The following VWA5B1 variants were observed in gnomAD, a reference collection of about 807,000 sequenced individuals.
VWA5B1 encodes von Willebrand factor A domain-containing protein 5B1.
VWA5B1 carries 115 observed loss-of-function variants against 118.2 expected under a neutral mutation model. The ratio of observed to expected loss-of-function variants is 0.97; its 90% CI spans 0.84 to 1.14. VWA5B1 has a LOEUF of 1.14. VWA5B1 is among the 50% of genes most tolerant of loss of function. The pLI, the probability that VWA5B1 is intolerant of heterozygous loss-of-function variation, is 0.00. For missense variants in VWA5B1, 1,596 were observed against 1,603.8 expected, an observed-to-expected ratio of 1.00 and a Z score of 0.08; for synonymous variants, 682 against 658.4, an observed-to-expected ratio of 1.04 and a Z score of -0.55.
intron 1 of VWA5B1, 42 bp from the exon 2 acceptor site, chr1:20,310,534 G>A (rs1248121283): frequency 6.2e-6 from 9 of 1,447,074 alleles, no homozygotes; most frequent in Non-Finnish European, 8.2e-6. Context: ...AGGGGACCTG[G>A]GGGAGCCTCT....
chr1:20,342,129 C>CAAAA lies in VWA5B1; in HGVS notation c.2134-291_2134-288dup, dbSNP rs60635945. ...ACACAAAACAGTTTAAACTTTATGG[C>CAAAA]AAAAAAAAAAAAAAAGTGGGTTTGG... On this transcript the variant is annotated intron_variant, in intron 14 of 21. Transcript: ENST00000289815. 1.4e-3 allele frequency among the ~76,000 whole-genome samples: 193 copies of CAAAA among 139,172 alleles called. 1 individual carries two copies. The highest frequency in any genetic ancestry group is 3.9e-3 in the South Asian group (17 of 4,386). The allele number at this position is 139,172 out of a possible 152,430, so 91.3% of individuals were successfully genotyped here.
intron 7 of VWA5B1, among the ~76,000 whole-genome samples, chr1:20,321,023 T>C (rs1285779785): frequency 1.4e-5 from 2 of 146,478 alleles, no homozygotes; most frequent in African/African-American, 5.1e-5. Flanking sequence ...TGGGACAAGC[T>C]GTCAGAAACC....
At chr1:20,324,577 A>G (rs1307273928) in intron 8 of VWA5B1, among the ~76,000 whole-genome samples, 2 of 152,204 alleles carry the variant, frequency 1.3e-5, no homozygotes, top group Admixed American at 6.5e-5. Context: ...TGATCCGGGT[A>G]AAGGATAACT....
rs1314929563 is a variant in VWA5B1 at position 20,337,677 on chromosome 1, C to T, written c.1974C>T (p.Tyr658=). Reference sequence around the variant, plus strand: ...ACCTCTCTCAGCGACGGAGGGCATACAGCACCAACCAGATCACCAATCACA... The same window carrying T: ...ACCTCTCTCAGCGACGGAGGGCATATAGCACCAACCAGATCACCAATCACA... ...DLNLSQRRRA[Y]STNQITNHKP... The change falls in exon 14 of 22, where the codon TAC becomes TAT. Residue 658 remains tyrosine (Y), a synonymous_variant. Transcript: ENST00000289815. 8 of 1,551,560 alleles carry T rather than the reference C, an allele frequency of 5.2e-6. No individual in the cohort carries two copies. The highest frequency in any genetic ancestry group is 7.0e-6 in the Non-Finnish European group (8 of 1,146,990).
In VWA5B1 at chr1:20,328,138, C is replaced by A. The variant is rs1054930568; in HGVS notation, c.1254+138C>A. Reference sequence around the variant, plus strand: ...TACCCACAGAGAACCCAGATCACACCCGGGGGCAGAGAACTGAAGAGAAAC... The same window carrying A: ...TACCCACAGAGAACCCAGATCACACACGGGGGCAGAGAACTGAAGAGAAAC... On this transcript the variant is annotated intron_variant, in intron 9 of 21. Transcript: ENST00000289815. The A allele has an allele frequency of 5.3e-6, 4 of 758,248 alleles. No homozygotes were observed. In the African/African-American group the frequency reaches 5.3e-5, roughly 10 times the overall value. The allele number at this position is 758,248 out of a possible 1,614,324, so 47.0% of individuals were successfully genotyped here. A position where few individuals can be genotyped will look rare whatever the true frequency, so the allele number is the denominator to read the frequency against.
At chr1:20,311,470 A>G (rs890552466) in intron 2 of VWA5B1, among the ~76,000 whole-genome samples, 1 of 152,202 alleles carries the variant, frequency 6.6e-6, no homozygotes, top group Non-Finnish European at 1.5e-5. Flanking sequence ...TGCTGTCCAG[A>G]TGCCCTGGAT....
intron 8 of VWA5B1, among the ~76,000 whole-genome samples, chr1:20,327,632 T>C (rs532807216): frequency 1.0e-4 from 15 of 149,768 alleles, no homozygotes; most frequent in Admixed American, 8.0e-4. Flanking sequence ...ATAAGTTTGA[T>C]GATGATGACG....
intron 8 of VWA5B1, among the ~76,000 whole-genome samples, 199 bp from the exon 9 acceptor site, chr1:20,327,691 G>A (rs2089428870): frequency 6.6e-6 from 1 of 151,928 alleles, no homozygotes; most frequent in African/African-American, 2.4e-5. Context: ...GGTGGTGGTG[G>A]TGGTGGCTTT....
At chr1:20,315,173 G>C (rs2088967611) in intron 4 of VWA5B1, among the ~76,000 whole-genome samples, 1 of 152,242 alleles carries the variant, frequency 6.6e-6, no homozygotes. Flanking sequence ...GAACGATGCG[G>C]AGGATGTAGG....
intron 14 of VWA5B1, 125 bp from the exon 15 acceptor site, chr1:20,342,307 G>T (rs1349425928): frequency 1.1e-5 from 11 of 1,002,578 alleles, no homozygotes; most frequent in Non-Finnish European, 1.6e-5. Context: ...GAAAGAGCTG[G>T]TGGGGTGGGG....
chr1:20,332,269 C>T (rs578026059), intron 11 of VWA5B1, among the ~76,000 whole-genome samples: 1 of 152,100 alleles, frequency 6.6e-6, no homozygotes, highest in African/African-American at 2.4e-5. Context: ...CACTTGAGGC[C>T]AAGAGTTTGA....
At chr1:20,322,081 A>G (rs12092757) in intron 7 of VWA5B1, among the ~76,000 whole-genome samples, 2,793 of 152,344 alleles carry the variant, frequency 0.018, 81 homozygotes, top group African/African-American at 0.063. Context: ...GAACACGGGC[A>G]GTAGCAGTGG....
At chr1:20,341,209 C>T (rs775154839) in intron 14 of VWA5B1, among the ~76,000 whole-genome samples, 16 of 152,234 alleles carry the variant, frequency 1.1e-4, no homozygotes, top group Non-Finnish European at 1.5e-4. Flanking sequence ...ATGCCAACCC[C>T]GACTGATTTG....
Position 20,345,553 on chromosome 1 carries a change from G to C in VWA5B1, c.2724G>C (p.Lys908Asn). ...YTAFVPVDVS[K>N]SRYLPTVVEY... ...CCTTCGTGCCTGTGGACGTGAGCAA[G>C]AGCCGGTACCTGCCCACCGTGGTGG... Residue 908 changes from lysine to asparagine, a missense_variant, in exon 17 of 22, where the codon AAG becomes AAC. Coordinates refer to ENST00000289815, the MANE Select transcript of VWA5B1 (RefSeq NM_001039500.3). 1 of 1,551,036 alleles carries C rather than the reference G, an allele frequency of 6.4e-7. No homozygotes were observed. The highest frequency in any genetic ancestry group is 8.7e-7 in the Non-Finnish European group (1 of 1,146,916).
chr1:20,316,806 C>A (rs1432726106), intron 4 of VWA5B1, among the ~76,000 whole-genome samples: 1 of 152,122 alleles, frequency 6.6e-6, no homozygotes, highest in African/African-American at 2.4e-5. Context: ...AGAGACAGAG[C>A]AGAGATTCAG....
intron 17 of VWA5B1, among the ~76,000 whole-genome samples, chr1:20,347,201 A>G (rs1287161579): frequency 6.6e-6 from 1 of 152,224 alleles, no homozygotes; most frequent in Non-Finnish European, 1.5e-5. Context: ...ATTAGGAAAT[A>G]CATTTAAGAA....
At chr1:20,337,607 G>A (rs1369859685) in intron 13 of VWA5B1, 39 bp from the exon 14 acceptor site, 3 of 1,523,822 alleles carry the variant, frequency 2.0e-6, no homozygotes, top group Admixed American at 4.1e-5. Flanking sequence ...TTTCCCTGCT[G>A]TCCCACTCTG....
chr1:20,317,762 G>C, intron 5 of VWA5B1, 87 bp downstream of exon 5: 2 of 1,415,106 alleles, frequency 1.4e-6, no homozygotes, highest in Admixed American at 2.5e-5. Context: ...GGGAAGGAAA[G>C]CCAACTGGCC....
At chr1:20,318,799 G>T in intron 6 of VWA5B1, 78 bp downstream of exon 6, 1 of 1,409,050 alleles carries the variant, frequency 7.1e-7, no homozygotes. Flanking sequence ...AGAACATGTG[G>T]CCCCCCGCCC....
Sources: gnomAD v4.1 joint callset for allele counts (sites outside exome capture counted in the v4.1 genomes callset) on GRCh38, gnomAD v4.1.1 for gene constraint, MANE v1.5 for transcripts, NCBI Gene and HGNC (gene_info 2026-07-23, HGNC 2026-07-21) for gene names.